MAPRE2: variants seen among roughly 807,000 people sequenced by gnomAD.
MAPRE2 encodes microtubule-associated protein RP/EB family member 2.
A neutral mutation model predicts 43.2 loss-of-function variants in MAPRE2; 13 were observed. The ratio of observed to expected loss-of-function variants is 0.30; its 90% CI spans 0.20 to 0.48. The LOEUF (loss-of-function observed/expected upper bound fraction) is 0.48. Among genes scored for constraint, MAPRE2 ranks in the 20% least tolerant of loss-of-function variants. The pLI is 0.99. For missense variants in MAPRE2, 161 were observed against 400.2 expected, an observed-to-expected ratio of 0.40 and a Z score of 5.10; for synonymous variants, 135 against 148.8, an observed-to-expected ratio of 0.91 and a Z score of 0.68.
chr18:35,108,749 AT>A (rs555489092), intron 4 of MAPRE2, among the ~76,000 whole-genome samples: 43 of 140,160 alleles, frequency 3.1e-4, no homozygotes, highest in African/African-American at 1.0e-3. Context: ...TTTTTTTCAT[AT>A]GTTTGTTGGC....
intron 1 of MAPRE2, among the ~76,000 whole-genome samples, chr18:35,054,241 G>A (rs564298888): frequency 2.0e-4 from 30 of 152,272 alleles, no homozygotes; most frequent in African/African-American, 6.5e-4. Context: ...TAAAAGGATC[G>A]ACTGAGGGAC....
intron 1 of MAPRE2, among the ~76,000 whole-genome samples, chr18:34,985,680 T>A (rs7236536): frequency 1.4e-5 from 1 of 71,650 alleles, no homozygotes; most frequent in African/African-American, 4.9e-5. Flanking sequence ...TATATAAATA[T>A]ATATTATATA....
chr18:35,023,014 C>T lies in MAPRE2; in HGVS notation c.-8+17461C>T, dbSNP rs550906320. ...TTTCTTTTATAATACAAAATAGATACTGTGTTGATAAGAATAGAATATACC... is the reference window on the plus strand; with the variant it reads ...TTTCTTTTATAATACAAAATAGATATTGTGTTGATAAGAATAGAATATACC... On this transcript the variant is annotated intron_variant, in intron 2 of 7. Transcript: ENST00000413393. Among the ~76,000 whole-genome samples the T allele has an allele frequency of 8.5e-5, 13 of 152,062 alleles. No individual in the cohort carries two copies. In the South Asian group the frequency reaches 2.7e-3, roughly 32 times the overall value.
At chr18:35,006,935 C>T (rs1020893983) in intron 2 of MAPRE2, among the ~76,000 whole-genome samples, 3 of 152,190 alleles carry the variant, frequency 2.0e-5, no homozygotes, top group Admixed American at 1.3e-4. Context: ...TGCACTCCAG[C>T]TTGGGTGACA....
Position 34,989,581 on chromosome 18 carries a change from C to T in MAPRE2, c.-70+12502C>T, listed in dbSNP as rs1003909492. Among the ~76,000 whole-genome samples, 8 of 152,160 alleles carry T rather than the reference C, an allele frequency of 5.3e-5. No homozygotes were observed. In the South Asian group the frequency reaches 6.2e-4, roughly 12 times the overall value. On this transcript the variant is annotated intron_variant, in intron 1 of 7. Transcript: ENST00000413393. ...TTGAAAAAATTGCCAGGCATGGTGC[C>T]GTACTTATAGTTCCAGATGCTTGGA...
intron 5 of MAPRE2, among the ~76,000 whole-genome samples, chr18:35,130,196 A>G (rs1910085841): frequency 6.6e-6 from 1 of 152,146 alleles, no homozygotes; most frequent in Non-Finnish European, 1.5e-5. Flanking sequence ...ATCTGCTGGC[A>G]CTAGCACAGG....
chr18:35,036,202 T>C (rs2097050492), intron 2 of MAPRE2, among the ~76,000 whole-genome samples: 1 of 151,938 alleles, frequency 6.6e-6, no homozygotes, highest in South Asian at 2.1e-4. Context: ...TACCCACTCT[T>C]AACTCCCACC....
chr18:35,028,029 G>C (rs563214172), intron 2 of MAPRE2, among the ~76,000 whole-genome samples: 75 of 152,248 alleles, frequency 4.9e-4, no homozygotes, highest in Admixed American at 9.2e-4. Context: ...GAGCAGCATG[G>C]TAGTCCCAGG....
At chr18:35,092,573 C>T (rs1908202323) in intron 2 of MAPRE2, among the ~76,000 whole-genome samples, 1 of 152,014 alleles carries the variant, frequency 6.6e-6, no homozygotes, top group African/African-American at 2.4e-5. Context: ...TTGGGTAAGA[C>T]CTTAAAAGCA....
chr18:35,114,272 A>G (rs1351966879), intron 4 of MAPRE2, among the ~76,000 whole-genome samples: 2 of 152,222 alleles, frequency 1.3e-5, no homozygotes, highest in South Asian at 2.1e-4. Context: ...TACATGGTGT[A>G]TGGAGGATAT....
At chr18:35,017,732 C>A (rs1236731153) in intron 2 of MAPRE2, among the ~76,000 whole-genome samples, 1 of 151,614 alleles carries the variant, frequency 6.6e-6, no homozygotes, top group Non-Finnish European at 1.5e-5. Flanking sequence ...TTGGTGGAGT[C>A]TTTAGGGTTT....
intron 1 of MAPRE2, among the ~76,000 whole-genome samples, chr18:34,998,516 A>G (rs1208294719): frequency 2.0e-5 from 3 of 151,458 alleles, no homozygotes; most frequent in African/African-American, 4.9e-5. Flanking sequence ...TTTAGTAGAG[A>G]CGGGGTTTCA....
intron 1 of MAPRE2, among the ~76,000 whole-genome samples, chr18:35,053,932 CTAAAG>C (rs1471448235): frequency 6.6e-6 from 1 of 152,028 alleles, no homozygotes; most frequent in African/African-American, 2.4e-5. Flanking sequence ...ACCCCCAAAC[CTAAAG>C]TAAACATTTT....
chr18:34,978,214 C>A (rs2097014235), intron 1 of MAPRE2: 2 of 460,920 alleles, frequency 4.3e-6, no homozygotes, highest in Admixed American at 8.4e-5. Flanking sequence ...ATCTCCTTTT[C>A]CAAAAAAAGA....
rs548547735 is a variant in MAPRE2 at position 34,977,545 on chromosome 18, G to T, written c.-70+466G>T. Among the ~76,000 whole-genome samples, 259 of 152,310 alleles carry T rather than the reference G, an allele frequency of 1.7e-3. 4 individuals carry two copies. The highest frequency in any genetic ancestry group is 5.6e-3 in the African/African-American group (234 of 41,572). ...TGAGAGAGCTGGGGGCTCTGGCAGG[G>T]GCTGCGCGCTTGGGGGCAGATCAGG... is the stretch of plus-strand genomic sequence containing the variant. On this transcript the variant is annotated intron_variant, in intron 1 of 7. Transcript: ENST00000413393.
rs576213688 is a variant in MAPRE2 at position 35,111,965 on chromosome 18, A to G, written c.610+9806A>G. On this transcript the variant is annotated intron_variant, in intron 4 of 6. Transcript: ENST00000300249. ...CAGTAGATGCCTACTTGATACTGCT[A>G]TTTTACAGTCCCCAGTCACTTATCC... Among the ~76,000 whole-genome samples the G allele has an allele frequency of 5.9e-5, 9 of 152,250 alleles. No homozygotes were observed. The South Asian group carries it at 1.2e-3, about 21-fold the overall frequency.
At chr18:35,029,266 G>C (rs997075691) in intron 2 of MAPRE2, among the ~76,000 whole-genome samples, 2 of 152,046 alleles carry the variant, frequency 1.3e-5, no homozygotes, top group Admixed American at 6.5e-5. Flanking sequence ...AGAAAATGAG[G>C]AATTTCTCTT....
chr18:34,995,188 A>G (rs914662984), intron 1 of MAPRE2, among the ~76,000 whole-genome samples: 1 of 152,210 alleles, frequency 6.6e-6, no homozygotes, highest in Admixed American at 6.5e-5. Context: ...AGTATGGGCA[A>G]TCTCAAATTC....
intron 6 of MAPRE2, among the ~76,000 whole-genome samples, chr18:35,137,389 C>G (rs1042487211): frequency 1.3e-5 from 2 of 152,228 alleles, no homozygotes; most frequent in South Asian, 4.1e-4. Context: ...GAGGCCTAGC[C>G]TAGTGGCTTC....
Sources: allele counts gnomAD v4.1 joint callset (sites outside exome capture counted in the v4.1 genomes callset), GRCh38; gene constraint gnomAD v4.1.1; transcripts MANE v1.5; gene names NCBI Gene and HGNC (gene_info 2026-07-23, HGNC 2026-07-21).